Variants in PIEZO2 observed in about 807,000 individuals in gnomAD.
PIEZO2 encodes the protein piezo-type mechanosensitive ion channel component 2.
In PIEZO2, 172 loss-of-function variants were observed where a neutral mutation model predicts 337.3. The ratio of observed to expected loss-of-function variants is 0.51; its 90% CI spans 0.45 to 0.58. PIEZO2 has a LOEUF of 0.58. PIEZO2 is among the 20% of genes least tolerant of loss of function. PIEZO2 has a pLI of 0.00. For missense variants in PIEZO2, 3,028 were observed against 3,391.3 expected (o/e 0.89, Z 2.66); for synonymous variants, 1,251 against 1,228.5 (o/e 1.02, Z -0.38).
At chr18:10,808,908 G>A (rs980869882) in intron 7 of PIEZO2, among the ~76,000 whole-genome samples, 1 of 152,120 alleles carries the variant, frequency 6.6e-6, no homozygotes, top group Non-Finnish European at 1.5e-5. Context: ...CTTGCTCCAC[G>A]CCTGGCACAT....
chr18:10,890,710 T>C (rs1401073646), intron 4 of PIEZO2: 1 of 151,664 alleles, frequency 6.6e-6, no homozygotes, highest in Admixed American at 6.6e-5. Context: ...CCATGACACA[T>C]GGGGATTATG....
chr18:11,020,794 A>G (rs1239053599), intron 2 of PIEZO2, among the ~76,000 whole-genome samples: 1 of 152,210 alleles, frequency 6.6e-6, no homozygotes, highest in Non-Finnish European at 1.5e-5. Context: ...AGCCTGGCAG[A>G]GAGCTTTCGG....
chr18:10,905,744 CAG>C (rs1438496775), intron 4 of PIEZO2, among the ~76,000 whole-genome samples: 1 of 152,094 alleles, frequency 6.6e-6, no homozygotes, highest in Non-Finnish European at 1.5e-5. Flanking sequence ...GACAAAAAGA[CAG>C]TGGGTCCTTT....
At position 10,756,396 on chromosome 18, in the gene PIEZO2, G is replaced by A. The variant is rs1214668964; in HGVS notation, c.3923+1573C>T. 2.7e-5 allele frequency among the ~76,000 whole-genome samples: 4 copies of A among 149,970 alleles called. No individual in the cohort carries two copies. The East Asian group carries it at 8.0e-4, about 30-fold the overall frequency. ...GATGTAGATAAAGGATGAAAGATGA[G>A]GAGGACGGATGGAAGAGGAGAAGGA... On this transcript the variant is annotated intron_variant, in intron 27 of 55. Transcript: ENST00000674853.
chr18:10,768,756 G>A (rs989563428), intron 21 of PIEZO2, among the ~76,000 whole-genome samples: 1 of 152,178 alleles, frequency 6.6e-6, no homozygotes. Flanking sequence ...TTTACTTGAT[G>A]GTCTGTTAAC....
chr18:10,790,618 G>A (rs564963015), intron 14 of PIEZO2, among the ~76,000 whole-genome samples: 4 of 151,990 alleles, frequency 2.6e-5, no homozygotes, highest in Non-Finnish European at 5.9e-5. Flanking sequence ...GTACTCACTA[G>A]AAGTATGACC....
At chr18:10,703,476 T>C (rs1567965692) in intron 42 of PIEZO2, among the ~76,000 whole-genome samples, 1 of 152,252 alleles carries the variant, frequency 6.6e-6, no homozygotes. Context: ...AGCTTTGTTT[T>C]AATTTTGCTA....
intron 35 of PIEZO2, among the ~76,000 whole-genome samples, chr18:10,732,852 T>G (rs966201873): frequency 1.3e-5 from 2 of 152,226 alleles, no homozygotes; most frequent in African/African-American, 4.8e-5. Context: ...TGCACAATAT[T>G]GATTGCTTTA....
chr18:10,777,904 G>T (rs2038845009), intron 18 of PIEZO2, among the ~76,000 whole-genome samples: 2 of 152,170 alleles, frequency 1.3e-5, no homozygotes, highest in Non-Finnish European at 1.5e-5. Flanking sequence ...TTTGTGAATT[G>T]AATATTACAT....
intron 17 of PIEZO2, among the ~76,000 whole-genome samples, chr18:10,782,204 C>A (rs1195424133): frequency 1.5e-5 from 2 of 129,096 alleles, no homozygotes; most frequent in African/African-American, 2.9e-5. Context: ...TATTATATAT[C>A]ATATAATTAT....
At chr18:11,026,783 G>T (rs558912824) in intron 2 of PIEZO2, among the ~76,000 whole-genome samples, 1 of 152,060 alleles carries the variant, frequency 6.6e-6, no homozygotes, top group Non-Finnish European at 1.5e-5. Context: ...ATGCATTATC[G>T]GTTAACAGAT....
At chr18:10,722,034 A>T (rs1323497655) in intron 36 of PIEZO2, among the ~76,000 whole-genome samples, 1 of 151,930 alleles carries the variant, frequency 6.6e-6, no homozygotes, top group East Asian at 1.9e-4. Flanking sequence ...TGTGCCTGTA[A>T]TCCGAGCTAC....
chr18:11,074,069 A>T (rs986282520), intron 1 of PIEZO2, among the ~76,000 whole-genome samples: 2 of 151,960 alleles, frequency 1.3e-5, no homozygotes, highest in African/African-American at 4.8e-5. Context: ...GATGGTCTTG[A>T]ACTTCTGACC....
Position 10,726,942 on chromosome 18 carries a change from T to C in PIEZO2, c.5029+4465A>G. The C allele has an allele frequency of 6.7e-7, 1 of 1,498,138 alleles. No homozygotes were observed. Among genetic ancestry groups the C allele is most frequent in the Non-Finnish European group, 9.1e-7 (1 of 1,103,316 alleles). 92.8% of individuals were successfully genotyped at this position (1,498,138 alleles called of 1,614,324 possible). ...TGGGTCGCCTGCTGCCCGACTGATG[T>C]AGGTTGAGGGCTGCAGACAGAGGCC... On this transcript the variant is annotated intron_variant, in intron 36 of 55. Transcript: ENST00000674853. This position sits in a 1 kb window ranked among gnomAD's most constrained non-coding sequence, Gnocchi z 5.9.
chr18:11,121,489 C>G (rs2040027325), intron 1 of PIEZO2, among the ~76,000 whole-genome samples: 1 of 152,104 alleles, frequency 6.6e-6, no homozygotes, highest in Non-Finnish European at 1.5e-5. Context: ...TCCCTTGATT[C>G]CAGGAGTTCA....
rs77577020 is a variant in PIEZO2, at chr18:10,962,012, T to C, written c.286+17523A>G. Reference sequence around the variant, plus strand: ...TAAATTCAGGTGAACTGCTGCACTCTGTGGGCTCTGTGTAAAGCCATCCAG... The same window carrying C: ...TAAATTCAGGTGAACTGCTGCACTCCGTGGGCTCTGTGTAAAGCCATCCAG... On this transcript the variant is annotated intron_variant, in intron 3 of 55. Coordinates refer to ENST00000674853, the MANE Select transcript of PIEZO2 (RefSeq NM_001378183.1). The surrounding 1 kb of genome is among the most constrained non-coding windows in gnomAD (Gnocchi z 4.1). 0.019 allele frequency among the ~76,000 whole-genome samples: 2,820 copies of C among 152,300 alleles called. 105 individuals carry two copies. Among genetic ancestry groups the C allele is most frequent in the African/African-American group, 0.064 (2,642 of 41,552 alleles).
intron 5 of PIEZO2, among the ~76,000 whole-genome samples, chr18:10,864,832 G>A (rs74418215): frequency 0.021 from 3,163 of 152,158 alleles, 108 homozygotes; most frequent in African/African-American, 0.072. Context: ...ACTGAAGAGC[G>A]AATCCCGGAA....
intron 11 of PIEZO2, among the ~76,000 whole-genome samples, chr18:10,798,232 T>C (rs907998820): frequency 6.6e-6 from 1 of 152,258 alleles, no homozygotes; most frequent in Non-Finnish European, 1.5e-5. Flanking sequence ...AGAAAGTGTG[T>C]CATACTAAGT....
rs552110141 is a variant in PIEZO2, at chr18:10,960,047, C to T, written c.286+19488G>A. ...ATATTTGTACAAGTCCACAAATTATCAAATTGAAGTAAATCGTGCTTTTAT... is the reference window on the plus strand; with the variant it reads ...ATATTTGTACAAGTCCACAAATTATTAAATTGAAGTAAATCGTGCTTTTAT... On this transcript the variant is annotated intron_variant, in intron 3 of 55. Transcript: ENST00000674853. 5.3e-5 allele frequency among the ~76,000 whole-genome samples: 8 copies of T among 152,198 alleles called. No homozygotes were observed. The South Asian group carries it at 1.7e-3, about 32-fold the overall frequency.
Sources: allele counts gnomAD v4.1 joint callset (sites outside exome capture counted in the v4.1 genomes callset), GRCh38; gene constraint gnomAD v4.1.1; non-coding constraint Gnocchi (gnomAD v3.1); transcripts MANE v1.5; gene names NCBI Gene and HGNC (gene_info 2026-07-23, HGNC 2026-07-21).